SCN9A: variants seen among roughly 807,000 people sequenced by gnomAD.
SCN9A encodes sodium channel protein type 9 subunit alpha.
SCN9A carries 131 observed loss-of-function variants against 187.0 expected under a neutral mutation model. That is an observed-to-expected ratio of 0.70 (90% CI 0.61 to 0.81). The LOEUF is 0.81. Among genes scored for constraint, SCN9A ranks in the 30% least tolerant of loss-of-function variants. The pLI is 0.00. For missense variants in SCN9A, 2,252 were observed against 2,396.6 expected, an observed-to-expected ratio of 0.94 and a Z score of 1.26; for synonymous variants, 809 against 808.6, an observed-to-expected ratio of 1.00 and a Z score of -0.01.
At position 166,278,255 on chromosome 2, in the gene SCN9A, T is replaced by C; in HGVS notation, c.2402A>G (p.Tyr801Cys). 1.2e-6 allele frequency: 2 copies of C among 1,612,472 alleles called. No individual in the cohort carries two copies. The highest frequency in any genetic ancestry group is 1.7e-6 in the Non-Finnish European group (2 of 1,179,304). ...MVLKLIAMDP[Y>C]EYFQVGWNIF... ...ATTCCAGCCTACTTGGAAATACTCA[T>C]ATGGATCCATGGCAATCAGTTTTAA... is the stretch of plus-strand genomic sequence containing the variant. Residue 801 changes from tyrosine to cysteine, a missense_variant, in exon 15 of 27, where the codon TAT becomes TGT. Around this residue, in one of 7 missense-constraint regions of SCN9A, gnomAD observed 1,013 missense variants for 997.4 expected, o/e 1.02. Coordinates refer to ENST00000642356, the MANE Select transcript of SCN9A (RefSeq NM_001365536.1).
chr2:166,328,049 C>G (rs761564783), intron 1 of SCN9A, among the ~76,000 whole-genome samples: 1 of 152,124 alleles, frequency 6.6e-6, no homozygotes, highest in Non-Finnish European at 1.5e-5. Context: ...AGCAGTGTAT[C>G]TTTAGCCTGT....
intron 1 of SCN9A, among the ~76,000 whole-genome samples, chr2:166,354,990 C>T (rs1700118962): frequency 6.6e-6 from 1 of 151,994 alleles, no homozygotes; most frequent in African/African-American, 2.4e-5. Flanking sequence ...GTTACCCAGG[C>T]TGTGGTGCAA....
chr2:166,358,034 TTTTATTTATTTATTTATTTATTTA>T (rs371958712), intron 1 of SCN9A, among the ~76,000 whole-genome samples: 86 of 140,988 alleles, frequency 6.1e-4, no homozygotes, highest in African/African-American at 2.0e-3. Flanking sequence ...GGAATAAAAC[TTTTATTTATTTATTTATTTATTTA>T]TTTATTTATT....
chr2:166,368,525 T>C (rs1044073594), intron 1 of SCN9A, among the ~76,000 whole-genome samples: 9 of 151,236 alleles, frequency 6.0e-5, no homozygotes, highest in Admixed American at 3.9e-4. Flanking sequence ...CCCAGCTACT[T>C]GGGAGGCTGA....
At chr2:166,265,423 T>A (rs1696690401) in intron 17 of SCN9A, among the ~76,000 whole-genome samples, 2 of 151,996 alleles carry the variant, frequency 1.3e-5, no homozygotes, top group South Asian at 4.1e-4. Context: ...TTTTCTTATG[T>A]ACATTTTCTT....
chr2:166,302,629 T>C (rs1002168509), intron 7 of SCN9A: 2 of 151,034 alleles, frequency 1.3e-5, no homozygotes, highest in Non-Finnish European at 3.0e-5. Flanking sequence ...TCATTATATA[T>C]GATTAATAGA....
chr2:166,279,144 C>T (rs1210630726), intron 14 of SCN9A, among the ~76,000 whole-genome samples: 1 of 152,042 alleles, frequency 6.6e-6, no homozygotes, highest in Non-Finnish European at 1.5e-5. Flanking sequence ...TTTGCAAGAT[C>T]CGGATCTCCA....
chr2:166,365,440 C>T (rs993058321), intron 1 of SCN9A, among the ~76,000 whole-genome samples: 1 of 152,148 alleles, frequency 6.6e-6, no homozygotes, highest in Non-Finnish European at 1.5e-5. Flanking sequence ...TCATCCCTTT[C>T]CAAAGTTGTA....
intron 17 of SCN9A, among the ~76,000 whole-genome samples, chr2:166,255,542 C>T (rs1018359090): frequency 6.6e-6 from 1 of 151,276 alleles, no homozygotes; most frequent in Admixed American, 6.6e-5. Context: ...GATAATCTAA[C>T]GCTCAAAAGA....
At chr2:166,226,052 A>G (rs1694829310) in intron 24 of SCN9A, among the ~76,000 whole-genome samples, 1 of 152,134 alleles carries the variant, frequency 6.6e-6, no homozygotes, top group South Asian at 2.1e-4. Context: ...AATTAATTAA[A>G]AATTTCAGAA....
chr2:166,311,341 T>C (rs1285611055), intron 2 of SCN9A, among the ~76,000 whole-genome samples, 158 bp downstream of exon 2: 1 of 65,212 alleles, frequency 1.5e-5, no homozygotes, highest in African/African-American at 6.7e-5. Flanking sequence ...TATATATATA[T>C]ATATATATAT....
Position 166,281,822 on chromosome 2 carries a change from CAATT to C in SCN9A, c.1975-18_1975-15del. 6.3e-7 allele frequency: 1 copy of C among 1,593,330 alleles called. No homozygotes were observed. The highest frequency in any genetic ancestry group is 8.6e-7 in the Non-Finnish European group (1 of 1,169,178). On this transcript the variant is annotated splice_polypyrimidine_tract_variant and intron_variant, in intron 12 of 26. Coordinates refer to ENST00000642356, the MANE Select transcript of SCN9A (RefSeq NM_001365536.1). ...ATTGGTCGTGCCCTAAAAAAAAAATCAATTAATGTCTTAAGAACAGAATCCTAAT... is the reference window on the plus strand; with the variant it reads ...ATTGGTCGTGCCCTAAAAAAAAAATCAATGTCTTAAGAACAGAATCCTAAT...
chr2:166,340,840 C>T (rs1258109491), intron 1 of SCN9A, among the ~76,000 whole-genome samples: 1 of 151,944 alleles, frequency 6.6e-6, no homozygotes, highest in Non-Finnish European at 1.5e-5. Context: ...CCCGGCTGGT[C>T]TTGAACTCCT....
At chr2:166,338,142 A>T (rs943276900) in intron 1 of SCN9A, among the ~76,000 whole-genome samples, 1 of 152,114 alleles carries the variant, frequency 6.6e-6, no homozygotes, top group Non-Finnish European at 1.5e-5. Flanking sequence ...AGCAAAGCAT[A>T]TCTATGCAAA....
intron 17 of SCN9A, among the ~76,000 whole-genome samples, chr2:166,252,846 A>C (rs899638358): frequency 3.3e-5 from 5 of 151,852 alleles, no homozygotes; most frequent in Non-Finnish European, 7.4e-5. Context: ...AATTTCCCAA[A>C]TATTGTTTTA....
chr2:166,278,120 C>T lies in SCN9A; in HGVS notation c.2517+20G>A. ...ACCCCTTTATTATAGAATATAATGG[C>T]AACCTTAGTTTATGTTTACCAGTCT... On this transcript the variant is annotated intron_variant, in intron 15 of 26. Coordinates refer to ENST00000642356, the MANE Select transcript of SCN9A (RefSeq NM_001365536.1). The T allele has an allele frequency of 6.3e-7, 1 of 1,595,706 alleles. No homozygotes were observed. Among genetic ancestry groups the T allele is most frequent in the Non-Finnish European group, 8.5e-7 (1 of 1,170,790 alleles).
At chr2:166,323,577 T>A (rs1699295091) in intron 1 of SCN9A, among the ~76,000 whole-genome samples, 2 of 152,108 alleles carry the variant, frequency 1.3e-5, no homozygotes, top group South Asian at 4.2e-4. Flanking sequence ...AAAATGTGAG[T>A]TGTGCCCATT....
chr2:166,316,266 G>T (rs1404266046), intron 1 of SCN9A, among the ~76,000 whole-genome samples: 3 of 151,974 alleles, frequency 2.0e-5, no homozygotes, highest in Non-Finnish European at 2.9e-5. Flanking sequence ...AGTAATCAAA[G>T]AAACAAATAT....
intron 1 of SCN9A, among the ~76,000 whole-genome samples, chr2:166,370,270 G>T (rs1028740498): frequency 6.9e-6 from 1 of 145,094 alleles, no homozygotes; most frequent in Admixed American, 6.9e-5. Flanking sequence ...TGGGCTGAGC[G>T]CGGTGGCTCA....
Sources: allele counts gnomAD v4.1 joint callset (sites outside exome capture counted in the v4.1 genomes callset), GRCh38; gene constraint gnomAD v4.1.1; regional missense constraint gnomAD v4.1.1; transcripts MANE v1.5; gene names NCBI Gene and HGNC (gene_info 2026-07-23, HGNC 2026-07-21).